Variants in STARD13 observed in about 807,000 individuals in gnomAD.
STARD13 encodes the protein StAR related lipid transfer domain containing 13, also known as stAR-related lipid transfer protein 13.
Under a neutral mutation model 106.4 loss-of-function variants are expected in STARD13, and 62 were observed. That is an observed-to-expected ratio of 0.58 (90% CI 0.48 to 0.72). The LOEUF is 0.72. STARD13 is among the 30% of genes least tolerant of loss of function. STARD13 has a pLI of 0.00. For synonymous variants in STARD13, 565 were observed against 553.0 expected, an observed-to-expected ratio of 1.02 and a Z score of -0.31; for missense variants, 1,387 against 1,424.0, an observed-to-expected ratio of 0.97 and a Z score of 0.42.
chr13:33,387,991 T>C, the STARD13 span, among the ~76,000 whole-genome samples: 1 of 152,168 alleles, frequency 6.6e-6, no homozygotes, highest in Non-Finnish European at 1.5e-5. Context: ...GTCTTTCCTC[T>C]GTAAGCACAT....
the STARD13 span, among the ~76,000 whole-genome samples, chr13:33,634,295 T>C: frequency 6.6e-6 from 1 of 152,174 alleles, no homozygotes; most frequent in Non-Finnish European, 1.5e-5. Flanking sequence ...ACCCCATGAA[T>C]TACTGACTTA....
At chr13:33,353,095 G>A (rs981545560), upstream of STARD13, among the ~76,000 whole-genome samples, 2 of 152,032 alleles carry the variant, frequency 1.3e-5, no homozygotes, top group Admixed American at 1.3e-4. Context: ...TTGCTACATT[G>A]GTTATTTCCT....
intron 8 of STARD13, among the ~76,000 whole-genome samples, chr13:33,113,798 G>A (rs1363125218): frequency 6.6e-6 from 1 of 152,188 alleles, no homozygotes; most frequent in African/African-American, 2.4e-5. Flanking sequence ...AACAATATGA[G>A]GGGAACTAAA....
intron 1 of STARD13, among the ~76,000 whole-genome samples, chr13:33,220,670 C>T (rs1220063345): frequency 6.6e-6 from 1 of 151,934 alleles, no homozygotes; most frequent in Non-Finnish European, 1.5e-5. Context: ...CCAGCCTGGG[C>T]AACAGAGCAA....
intron 1 of STARD13, among the ~76,000 whole-genome samples, chr13:33,323,032 T>C (rs1189675095): frequency 2.0e-5 from 3 of 152,160 alleles, no homozygotes; most frequent in African/African-American, 7.2e-5. Flanking sequence ...GAGAAGAAAT[T>C]TGAAATCTCC....
chr13:33,161,101 A>G (rs1882569184), intron 3 of STARD13, among the ~76,000 whole-genome samples: 3 of 152,232 alleles, frequency 2.0e-5, no homozygotes, highest in African/African-American at 7.2e-5. Flanking sequence ...TGAACTATTA[A>G]AACACATAGC....
chr13:33,467,431 C>G, the STARD13 span, among the ~76,000 whole-genome samples: 1 of 152,098 alleles, frequency 6.6e-6, no homozygotes, highest in African/African-American at 2.4e-5. Flanking sequence ...GCTGTAAATA[C>G]AGATGAAGCT....
the STARD13 span, among the ~76,000 whole-genome samples, chr13:33,400,940 C>T: frequency 6.6e-6 from 1 of 152,214 alleles, no homozygotes. Context: ...CAAAACGACT[C>T]AGGAGCCAGC....
chr13:33,673,196 C>T, the STARD13 span, among the ~76,000 whole-genome samples: 4 of 152,208 alleles, frequency 2.6e-5, no homozygotes, highest in South Asian at 2.1e-4. Context: ...AAGAATATCA[C>T]GTGTTTAATA....
the STARD13 span, among the ~76,000 whole-genome samples, chr13:33,560,183 C>T: frequency 6.6e-6 from 1 of 151,408 alleles, no homozygotes; most frequent in East Asian, 1.9e-4. Context: ...ACATAGCTAC[C>T]CCACACTATT....
intron 1 of STARD13, among the ~76,000 whole-genome samples, chr13:33,293,270 C>T (rs1243259344): frequency 2.0e-5 from 3 of 152,182 alleles, no homozygotes; most frequent in Non-Finnish European, 4.4e-5. Flanking sequence ...ATTTCATTCA[C>T]ATTCTATACT....
At chr13:33,318,134 C>T (rs1388437468) in intron 1 of STARD13, among the ~76,000 whole-genome samples, 2 of 152,078 alleles carry the variant, frequency 1.3e-5, no homozygotes, top group African/African-American at 2.4e-5. Context: ...TATTTTACAC[C>T]TTAAATTATG....
chr13:33,206,354 G>T (rs1408549966), intron 1 of STARD13, among the ~76,000 whole-genome samples: 3 of 133,346 alleles, frequency 2.2e-5, no homozygotes, highest in Non-Finnish European at 4.8e-5. Flanking sequence ...GAAAGAAGAT[G>T]CCCATGACTG....
At chr13:33,638,796 G>A in the STARD13 span, among the ~76,000 whole-genome samples, 1 of 152,142 alleles carries the variant, frequency 6.6e-6, no homozygotes, top group Admixed American at 6.5e-5. Context: ...CCTTGGCTGA[G>A]GGTAGGGCCC....
chr13:33,350,637 T>G (rs2078068630), upstream of STARD13: 4 of 1,338,918 alleles, frequency 3.0e-6, no homozygotes, highest in Non-Finnish European at 3.8e-6. Context: ...TATTAACCTC[T>G]GCGCTCGCCA....
the STARD13 span, among the ~76,000 whole-genome samples, chr13:33,501,430 T>C: frequency 6.6e-6 from 1 of 152,148 alleles, no homozygotes; most frequent in African/African-American, 2.4e-5. Flanking sequence ...TGCCTTTGCT[T>C]TTGGTGTTTT....
At chr13:33,603,494 T>A in the STARD13 span, among the ~76,000 whole-genome samples, 2 of 152,058 alleles carry the variant, frequency 1.3e-5, no homozygotes, top group South Asian at 4.1e-4. Context: ...GCCAGAAAAA[T>A]TCAGCACAGG....
intron 3 of STARD13, among the ~76,000 whole-genome samples, chr13:33,147,006 G>A (rs1339467549): frequency 6.6e-6 from 1 of 152,178 alleles, no homozygotes; most frequent in Non-Finnish European, 1.5e-5. Flanking sequence ...TATCTGAGCT[G>A]TCTGGGAATT....
the STARD13 span, among the ~76,000 whole-genome samples, chr13:33,429,314 G>C: frequency 6.6e-6 from 1 of 152,090 alleles, no homozygotes; most frequent in African/African-American, 2.4e-5. Context: ...ATGTGGTACA[G>C]GGCCGGGCGT....
Sources: allele counts gnomAD v4.1 joint callset (sites outside exome capture counted in the v4.1 genomes callset), GRCh38; gene constraint gnomAD v4.1.1; transcripts MANE v1.5; gene names NCBI Gene and HGNC (gene_info 2026-07-23, HGNC 2026-07-21).